COPZ2: variants seen among roughly 807,000 people sequenced by gnomAD.
COPZ2 encodes the protein coatomer subunit zeta-2.
COPZ2 carries 30 observed loss-of-function variants against 33.2 expected under a neutral mutation model. That is an observed-to-expected ratio of 0.90 (90% CI 0.68 to 1.23). The LOEUF is 1.23. Ranked by LOEUF, COPZ2 falls within the 50% of genes most tolerant of loss-of-function variation. The pLI is 0.00. For synonymous variants in COPZ2, 89 were observed against 102.6 expected, an observed-to-expected ratio of 0.87 and a Z score of 0.80; for missense variants, 263 against 262.4, an observed-to-expected ratio of 1.00 and a Z score of -0.02.
chr17:48,029,235 C>G (rs192569571), intron 6 of COPZ2, 59 bp from the exon 7 acceptor site: 1 of 1,484,892 alleles, frequency 6.7e-7, no homozygotes, highest in East Asian at 2.5e-5. Flanking sequence ...CCCCTCCGCC[C>G]CTTCTCCTTG....
At chr17:48,035,740 T>C (rs2036972407) in intron 2 of COPZ2, among the ~76,000 whole-genome samples, 1 of 148,774 alleles carries the variant, frequency 6.7e-6, no homozygotes, top group African/African-American at 2.5e-5. Flanking sequence ...CACATTTCTT[T>C]TCTTTTTCTT....
upstream of COPZ2, among the ~76,000 whole-genome samples, chr17:48,042,397 G>A (rs983708339): frequency 3.9e-5 from 6 of 152,148 alleles, no homozygotes; most frequent in African/African-American, 1.4e-4. Flanking sequence ...GCCTCCCAAA[G>A]TGCTGGGATT....
In COPZ2 at chr17:48,026,266, G is replaced by A; in HGVS notation, c.*162C>T. 1 of 619,942 alleles carries A rather than the reference G, an allele frequency of 1.6e-6. No individual in the cohort carries two copies. Among genetic ancestry groups the A allele is most frequent in the Non-Finnish European group, 2.9e-6 (1 of 350,548 alleles). 38.4% of individuals were successfully genotyped at this position (619,942 alleles called of 1,614,324 possible). Reference sequence around the variant, plus strand: ...CGTGAGAAAAGGTGACTCTCCTGAGGCCAAACCTTTGCATCTCAGAAGCCC... The same window carrying A: ...CGTGAGAAAAGGTGACTCTCCTGAGACCAAACCTTTGCATCTCAGAAGCCC... On this transcript the variant is annotated 3_prime_UTR_variant, in exon 9 of 9. Coordinates refer to ENST00000621465, the MANE Select transcript of COPZ2 (RefSeq NM_016429.4).
chr17:48,036,905 G>A lies in COPZ2; in HGVS notation c.132C>T (p.Tyr44=). 6.2e-7 allele frequency: 1 copy of A among 1,614,000 alleles called. No individual in the cohort carries two copies. Among genetic ancestry groups the A allele is most frequent in the Non-Finnish European group, 8.5e-7 (1 of 1,179,874 alleles). ...CTAGGATGAAAACAGCCTTGATGGT[G>A]TAGAGGGAAGGTTCCTGCAACTGAC... ...SGLRLQEPSL[Y]TIKAVFILDN... Residue 44 remains tyrosine (Y), a synonymous_variant, in exon 2 of 9, where the codon TAC becomes TAT. Transcript: ENST00000621465.
the COPZ2 span, chr17:48,046,972 T>C: frequency 2.0e-5 from 3 of 152,238 alleles, no homozygotes; most frequent in African/African-American, 7.2e-5. Context: ...CAGTCCAGCC[T>C]AGAATAGGTA....
intron 4 of COPZ2, chr17:48,032,955 G>C: frequency 1.7e-6 from 1 of 589,390 alleles, no homozygotes; most frequent in Non-Finnish European, 3.0e-6. Flanking sequence ...TCCTTCTCTA[G>C]TTATGTTTAA....
chr17:48,037,671 A>C lies in COPZ2; in HGVS notation c.107T>G (p.Leu36Arg). Residue 36 changes from leucine to arginine, a missense_variant, in exon 1 of 9, where the codon CTG becomes CGG. Coordinates refer to ENST00000621465, the MANE Select transcript of COPZ2 (RefSeq NM_016429.4). The surrounding 1 kb of genome is among the most constrained non-coding windows in gnomAD (Gnocchi z 5.6). ...CCGCGCCCGCCCGCTCCGTACCCGC[A>C]GCCCCGAGGGCTCCCCGGCTCGAGC... The part of the protein sequence containing the change: ...PPARAGEPSG[L>R]RLQEPSLYTI... 1 of 1,082,406 alleles carries C rather than the reference A, an allele frequency of 9.2e-7. No individual in the cohort carries two copies. The highest frequency in any genetic ancestry group is 1.1e-6 in the Non-Finnish European group (1 of 897,084). 67.1% of individuals were successfully genotyped at this position (1,082,406 alleles called of 1,614,324 possible). A position where few individuals can be genotyped will look rare whatever the true frequency, so the allele number is the denominator to read the frequency against.
upstream of COPZ2, among the ~76,000 whole-genome samples, chr17:48,042,269 G>T (rs145428835): frequency 0.11 from 16,124 of 151,894 alleles, 1,104 homozygotes; most frequent in African/African-American, 0.19. Context: ...GAGTAGCTGG[G>T]ATTACAGGTA....
At chr17:48,044,135 T>C in the COPZ2 span, among the ~76,000 whole-genome samples, 1 of 152,106 alleles carries the variant, frequency 6.6e-6, no homozygotes, top group African/African-American at 2.4e-5. Context: ...TCACTTGAGG[T>C]CAGGAGTTTG....
upstream of COPZ2, among the ~76,000 whole-genome samples, chr17:48,042,892 CTT>C (rs992915370): frequency 4.6e-5 from 7 of 152,226 alleles, no homozygotes; most frequent in African/African-American, 1.4e-4. Context: ...CCCAGAACTT[CTT>C]TCTCTCCATG....
rs768353461 is a variant in COPZ2 at position 48,032,172 on chromosome 17, C to G, written c.478G>C (p.Glu160Gln). Residue 160 changes from glutamate (E) to glutamine (Q), a missense_variant, in exon 6 of 9, where the codon GAG becomes CAG. Physicochemically the swap from Glu to Gln is conservative, Grantham distance 29 (BLOSUM62 2). Coordinates refer to ENST00000621465, the MANE Select transcript of COPZ2 (RefSeq NM_016429.4). The part of the protein sequence containing the change: ...NMDGAFLVLD[E>Q]IVDGGVILES... Reference sequence around the variant, plus strand: ...CCTCCTCACCCGCCATCCACAATCTCGTCCAGCACCAAGAAGGCTCCGTCC... The same window carrying G: ...CCTCCTCACCCGCCATCCACAATCTGGTCCAGCACCAAGAAGGCTCCGTCC... 5 of 1,613,302 alleles carry G rather than the reference C, an allele frequency of 3.1e-6. No individual in the cohort carries two copies. The highest frequency in any genetic ancestry group is 4.2e-6 in the Non-Finnish European group (5 of 1,179,684).
intron 7 of COPZ2, 24 bp downstream of exon 7, chr17:48,029,098 AGAG>A (rs748829543): frequency 6.4e-7 from 1 of 1,564,344 alleles, no homozygotes; most frequent in Non-Finnish European, 8.7e-7. Flanking sequence ...GCAGCCTAAA[AGAG>A]GAGGTGTCCA....
chr17:48,032,705 A>T lies in COPZ2; in HGVS notation c.397T>A (p.Ser133Thr), dbSNP rs1435866858. ...LMSVLTCLFE[S>T]LNHMLRKNVE... ...ACTCACCTTAACATGTGGTTCAGAG[A>T]CTCAAACAGGCAGGTGAGAACAGAC... Residue 133 changes from serine (S) to threonine (T), a missense_variant, in exon 5 of 9, where the codon TCT (serine) becomes ACT (threonine). Ser to Thr is a moderately conservative substitution (Grantham distance 58). Coordinates refer to ENST00000621465, the MANE Select transcript of COPZ2 (RefSeq NM_016429.4). 22 of 1,593,720 alleles carry T rather than the reference A, an allele frequency of 1.4e-5. No individual in the cohort carries two copies. Among genetic ancestry groups the T allele is most frequent in the Non-Finnish European group, 1.8e-5 (21 of 1,170,148 alleles).
At chr17:48,032,864 G>C in intron 4 of COPZ2, 123 bp from the exon 5 acceptor site, 1 of 753,242 alleles carries the variant, frequency 1.3e-6, no homozygotes, top group Non-Finnish European at 2.3e-6. Context: ...GCTGGAGACT[G>C]ACTGCGGTGT....
At chr17:48,030,331 A>C (rs369206391) in intron 6 of COPZ2, among the ~76,000 whole-genome samples, 326 of 111,858 alleles carry the variant, frequency 2.9e-3, no homozygotes, top group South Asian at 6.4e-3. Flanking sequence ...CACACACACA[A>C]AGAAACAAAC....
intron 3 of COPZ2, 89 bp downstream of exon 3, chr17:48,033,774 G>T (rs1253845151): frequency 9.8e-7 from 1 of 1,016,818 alleles, no homozygotes; most frequent in Non-Finnish European, 1.5e-6. Flanking sequence ...GCCTGTGGGT[G>T]TGCAAGGCTG....
At position 48,037,206 on chromosome 17, in the gene COPZ2, C is replaced by T. The variant is rs200114569; in HGVS notation, c.112-281G>A. 5.9e-6 allele frequency: 4 copies of T among 672,818 alleles called. No individual in the cohort carries two copies. The allele number at this position is 672,818 out of a possible 1,614,324, so 41.7% of individuals were successfully genotyped here. ...CTGTCATGCACTGACTGCTCCAGAG[C>T]CCGAGTCGGAGTGTATCACAGAACC... On this transcript the variant is annotated intron_variant, in intron 1 of 8. Coordinates refer to ENST00000621465, the MANE Select transcript of COPZ2 (RefSeq NM_016429.4). This position sits in a 1 kb window ranked among gnomAD's most constrained non-coding sequence, Gnocchi z 5.6.
intron 5 of COPZ2, 106 bp downstream of exon 5, chr17:48,032,580 T>C: frequency 1.1e-6 from 1 of 917,374 alleles, no homozygotes; most frequent in Non-Finnish European, 1.7e-6. Context: ...TCTTTTTGGA[T>C]TATCTTAGTC....
chr17:48,038,675 T>A (rs1413027729), upstream of COPZ2, among the ~76,000 whole-genome samples: 1 of 152,234 alleles, frequency 6.6e-6, no homozygotes, highest in Non-Finnish European at 1.5e-5. Flanking sequence ...TTTTCAAGAC[T>A]ATACAGCTAG....
Sources: gnomAD v4.1 joint callset for allele counts (sites outside exome capture counted in the v4.1 genomes callset) on GRCh38, gnomAD v4.1.1 for gene constraint, Gnocchi (gnomAD v3.1) non-coding constraint, MANE v1.5 for transcripts, NCBI Gene and HGNC (gene_info 2026-07-23, HGNC 2026-07-21) for gene names.